LAG3: variants seen among roughly 807,000 people sequenced by gnomAD.
LAG3 encodes the protein lymphocyte activating 3.
In LAG3, 29 loss-of-function variants were observed where a neutral mutation model predicts 49.0. The ratio of observed to expected loss-of-function variants is 0.59; its 90% CI spans 0.44 to 0.81. The LOEUF (loss-of-function observed/expected upper bound fraction) is 0.81, where lower values mean the gene tolerates loss of function less well. Among genes scored for constraint, LAG3 ranks in the 30% least tolerant of loss-of-function variants. The probability of loss-of-function intolerance (pLI) is 0.00; values close to 1 mark genes in which losing one functional copy is unlikely to be tolerated. For missense variants in LAG3, 693 were observed against 695.2 expected (o/e 1.00, Z 0.04); for synonymous variants, 320 against 297.3 (o/e 1.08, Z -0.79).
intron 7 of LAG3, 21 bp from the exon 8 acceptor site, chr12:6,778,223 T>C: frequency 6.4e-7 from 1 of 1,561,740 alleles, no homozygotes; most frequent in Non-Finnish European, 8.7e-7. Flanking sequence ...CCTCCGTCTC[T>C]CTCTCCATCT....
In LAG3 at chr12:6,773,223, G is replaced by T. The variant is rs139612976; in HGVS notation, c.90G>T (p.Pro30=). The change falls in exon 2 of 8, where the codon CCG becomes CCT. Residue 30 remains proline, a synonymous_variant. Transcript: ENST00000203629. This position sits in a 1 kb window ranked among gnomAD's most constrained non-coding sequence, Gnocchi z 5.5. Reference sequence around the variant, plus strand: ...CTCTCCAGCCAGGGGCTGAGGTCCCGGTGGTGTGGGCCCAGGAGGGGGCTC... The same window carrying T: ...CTCTCCAGCCAGGGGCTGAGGTCCCTGTGGTGTGGGCCCAGGAGGGGGCTC... ...VKPLQPGAEV[P]VVWAQEGAPA... is the part of the protein sequence containing the mutation. 2.5e-6 allele frequency: 4 copies of T among 1,612,166 alleles called. No homozygotes were observed. The African/African-American group carries it at 5.4e-5, about 22-fold the overall frequency.
intron 7 of LAG3, 140 bp downstream of exon 7, chr12:6,778,061 T>A: frequency 7.3e-7 from 1 of 1,378,746 alleles, no homozygotes; most frequent in Non-Finnish European, 1.0e-6. Context: ...TTCATAAGCC[T>A]CTCACTCCAG....
At chr12:6,772,986 G>A (rs1483576941) in intron 1 of LAG3, 76 bp downstream of exon 1, 3 of 1,493,292 alleles carry the variant, frequency 2.0e-6, no homozygotes, top group Non-Finnish European at 2.8e-6. Flanking sequence ...TGGCCACAAA[G>A]GTCCTGAGGT....
rs1941854308 is a variant in LAG3, at chr12:6,772,548, C to G, written c.-305C>G. 3.0e-6 allele frequency: 1 copy of G among 332,094 alleles called. No homozygotes were observed. The highest frequency in any genetic ancestry group is 4.8e-5 in the Admixed American group (1 of 20,998). 20.6% of individuals were successfully genotyped at this position (332,094 alleles called of 1,614,324 possible). A position where few individuals can be genotyped will look rare whatever the true frequency, so the allele number is the denominator to read the frequency against. ...GACCAGCAGAACGGCATCCCAGCCACGACGGCCACTTTGCTCTGTCTGCTC... is the reference window on the plus strand; with the variant it reads ...GACCAGCAGAACGGCATCCCAGCCAGGACGGCCACTTTGCTCTGTCTGCTC... On this transcript the variant is annotated 5_prime_UTR_variant, in exon 1 of 8. Coordinates refer to ENST00000203629, the MANE Select transcript of LAG3 (RefSeq NM_002286.6).
chr12:6,777,194 G>T, intron 5 of LAG3, 70 bp from the exon 6 acceptor site: 1 of 1,584,268 alleles, frequency 6.3e-7, no homozygotes, highest in Non-Finnish European at 8.6e-7. Context: ...ATTGAGACTT[G>T]GGGTTCAACC....
At position 6,773,262 on chromosome 12, in the gene LAG3, C is replaced by T. The variant is rs1941863170; in HGVS notation, c.129C>T (p.Pro43=). 2 of 1,613,448 alleles carry T rather than the reference C, an allele frequency of 1.2e-6. No homozygotes were observed. The highest frequency in any genetic ancestry group is 2.7e-5 in the African/African-American group (2 of 74,900). Residue 43 remains proline (P), a synonymous_variant, in exon 2 of 8, where the codon CCC becomes CCT. Coordinates refer to ENST00000203629, the MANE Select transcript of LAG3 (RefSeq NM_002286.6). This position sits in a 1 kb window ranked among gnomAD's most constrained non-coding sequence, Gnocchi z 5.5. The part of the protein sequence containing the change: ...WAQEGAPAQL[P]CSPTIPLQDL... ...AGGAGGGGGCTCCTGCCCAGCTCCCCTGCAGCCCCACAATCCCCCTCCAGG... is the reference window on the plus strand; with the variant it reads ...AGGAGGGGGCTCCTGCCCAGCTCCCTTGCAGCCCCACAATCCCCCTCCAGG...
chr12:6,773,967 C>A lies in LAG3; in HGVS notation c.477C>A (p.Ser159=). The part of the protein sequence containing the change: ...AAVHLRDRAL[S]CRLRLRLGQA... ...TGCACCTCAGGGACCGCGCCCTCTC[C>A]TGCCGCCTCCGTCTGCGCCTGGGCC... The change falls in exon 3 of 8, where the codon TCC becomes TCA. Residue 159 remains serine (S), a synonymous_variant. Transcript: ENST00000203629. This position sits in a 1 kb window ranked among gnomAD's most constrained non-coding sequence, Gnocchi z 5.5. 6.9e-7 allele frequency: 1 copy of A among 1,440,784 alleles called. No homozygotes were observed. Among genetic ancestry groups the A allele is most frequent in the South Asian group, 1.4e-5 (1 of 72,052 alleles). 89.2% of individuals were successfully genotyped at this position (1,440,784 alleles called of 1,614,324 possible).
chr12:6,774,210 C>A (rs910373814), intron 3 of LAG3, among the ~76,000 whole-genome samples: 10 of 152,332 alleles, frequency 6.6e-5, no homozygotes, highest in South Asian at 6.2e-4. Flanking sequence ...GATTGTGTCA[C>A]CCCCGAGCTC....
At chr12:6,774,053 C>G (rs1250387183) in intron 3 of LAG3, 52 bp downstream of exon 3, 1 of 1,374,392 alleles carries the variant, frequency 7.3e-7, no homozygotes, top group Non-Finnish European at 9.3e-7. Context: ...TCCCCATCCC[C>G]TGCCTCCCGG....
chr12:6,778,064 C>A, intron 7 of LAG3, 143 bp downstream of exon 7: 1 of 1,371,864 alleles, frequency 7.3e-7, no homozygotes, highest in East Asian at 2.4e-5. Context: ...ATAAGCCTCT[C>A]ACTCCAGGGA....
chr12:6,775,669 T>C, intron 5 of LAG3, 121 bp downstream of exon 5: 2 of 939,722 alleles, frequency 2.1e-6, no homozygotes, highest in Non-Finnish European at 3.2e-6. Context: ...GGGCACAAGT[T>C]CCAGAGCCTG....
rs1005883967 is a variant in LAG3, at chr12:6,773,136, T to TA, written c.59-55dup. The stretch of plus-strand genomic sequence containing the variant: ...TCGGGAAACACCCAGGCTCCTTCTC[T>TA]ACCCCTGCCTCTCGGCTCACGCCCC... On this transcript the variant is annotated intron_variant, in intron 1 of 7. Transcript: ENST00000203629. The surrounding 1 kb of genome is among the most constrained non-coding windows in gnomAD (Gnocchi z 5.5). 2 of 1,557,968 alleles carry TA rather than the reference T, an allele frequency of 1.3e-6. No homozygotes were observed. The highest frequency in any genetic ancestry group is 2.8e-5 in the African/African-American group (2 of 72,394).
At position 6,774,847 on chromosome 12, in the gene LAG3, A is replaced by G. The variant is rs761165958; in HGVS notation, c.764A>G (p.Tyr255Cys). The change falls in exon 4 of 8, where the codon TAT (tyrosine) becomes TGT (cysteine). Residue 255 changes from tyrosine (Y) to cysteine (C), a missense_variant. By Grantham distance (194) the Tyr-to-Cys change is radical (BLOSUM62 -2). Transcript: ENST00000203629. Reference sequence around the variant, plus strand: ...GATGGCTTCAACGTCTCCATCATGTATAACCTCACTGTTCTGGGTAACTCC... The same window carrying G: ...GATGGCTTCAACGTCTCCATCATGTGTAACCTCACTGTTCTGGGTAACTCC... ...YRDGFNVSIM[Y>C]NLTVLGLEPP... 1 of 1,613,908 alleles carries G rather than the reference A, an allele frequency of 6.2e-7. No individual in the cohort carries two copies. Among genetic ancestry groups the G allele is most frequent in the Admixed American group, 1.7e-5 (1 of 59,996 alleles).
chr12:6,777,948 C>T (rs1941926460), intron 7 of LAG3, 27 bp downstream of exon 7: 1 of 1,611,146 alleles, frequency 6.2e-7, no homozygotes, highest in Non-Finnish European at 8.5e-7. Context: ...GCAACCCCGC[C>T]CCCCAGCAGC....
At chr12:6,776,095 C>A (rs1941905958) in intron 5 of LAG3, among the ~76,000 whole-genome samples, 1 of 152,202 alleles carries the variant, frequency 6.6e-6, no homozygotes, top group Non-Finnish European at 1.5e-5. Context: ...CTGCAGCACG[C>A]ACCTGCGGCC....
chr12:6,773,820 C>T lies in LAG3; in HGVS notation c.330C>T (p.Arg110=), dbSNP rs1941871655. The change falls in exon 3 of 8, where the codon CGC becomes CGT. Residue 110 remains arginine, a synonymous_variant. Transcript: ENST00000203629. The surrounding 1 kb of genome is among the most constrained non-coding windows in gnomAD (Gnocchi z 5.5). ...TVLSVGPGGL[R]SGRLPLQPRV... Reference sequence around the variant, plus strand: ...TGAGCGTGGGTCCCGGAGGCCTGCGCAGCGGGAGGCTGCCCCTGCAGCCCC... The same window carrying T: ...TGAGCGTGGGTCCCGGAGGCCTGCGTAGCGGGAGGCTGCCCCTGCAGCCCC... 1 of 1,402,194 alleles carries T rather than the reference C, an allele frequency of 7.1e-7. No individual in the cohort carries two copies. The highest frequency in any genetic ancestry group is 9.2e-7 in the Non-Finnish European group (1 of 1,083,660). 86.9% of individuals were successfully genotyped at this position (1,402,194 alleles called of 1,614,324 possible). A position where few individuals can be genotyped will look rare whatever the true frequency, so the allele number is the denominator to read the frequency against.
intron 4 of LAG3, 40 bp downstream of exon 4, chr12:6,774,904 T>G: frequency 6.3e-7 from 1 of 1,574,808 alleles, no homozygotes; most frequent in Non-Finnish European, 8.7e-7. Flanking sequence ...CCACAACTCC[T>G]TCCTGCCCCC....
intron 3 of LAG3, among the ~76,000 whole-genome samples, chr12:6,774,354 G>A (rs75687683): frequency 0.01 from 1,586 of 152,326 alleles, 32 homozygotes; most frequent in African/African-American, 0.034. Context: ...AAAACGGCAA[G>A]GGTGGCTGAT....
rs1359247685 is a variant in LAG3, at chr12:6,777,476, G to A, written c.1270G>A (p.Ala424Thr). 1 of 1,614,102 alleles carries A rather than the reference G, an allele frequency of 6.2e-7. No individual in the cohort carries two copies. The highest frequency in any genetic ancestry group is 1.3e-5 in the African/African-American group (1 of 75,038). ...CCAGGGGGAGAGGCTTCTTGGAGCA[G>A]CAGTGTACTTCACAGAGCTGTCTAG... is the stretch of plus-strand genomic sequence containing the variant. ...LYQGERLLGA[A>T]VYFTELSSPG... Residue 424 changes from alanine (A) to threonine (T), a missense_variant, in exon 6 of 8, where the codon GCA becomes ACA. Coordinates refer to ENST00000203629, the MANE Select transcript of LAG3 (RefSeq NM_002286.6).
Sources: allele counts gnomAD v4.1 joint callset (sites outside exome capture counted in the v4.1 genomes callset), GRCh38; gene constraint gnomAD v4.1.1; non-coding constraint Gnocchi (gnomAD v3.1); transcripts MANE v1.5; gene names NCBI Gene and HGNC (gene_info 2026-07-23, HGNC 2026-07-21).